DHTKD1: variants seen among roughly 807,000 people sequenced by gnomAD.
DHTKD1 encodes 2-oxoadipate dehydrogenase complex component E1.
In DHTKD1, 78 loss-of-function variants were observed where a neutral mutation model predicts 101.8. The observed-to-expected ratio is 0.77, with a 90% CI of 0.64 to 0.93. The LOEUF is 0.93. Among genes scored for constraint, DHTKD1 ranks in the 40% least tolerant of loss-of-function variants. The pLI, the probability that DHTKD1 is intolerant of heterozygous loss-of-function variation, is 0.00. For missense variants in DHTKD1, 1,223 were observed against 1,161.7 expected (o/e 1.05, Z -0.77); for synonymous variants, 462 against 450.3 (o/e 1.03, Z -0.33).
At chr10:12,073,544 A>C (rs1331360508) in intron 1 of DHTKD1, among the ~76,000 whole-genome samples, 1 of 152,102 alleles carries the variant, frequency 6.6e-6, no homozygotes, top group Non-Finnish European at 1.5e-5. Flanking sequence ...ACAGGGTTTC[A>C]CATGTTGGCC....
intron 1 of DHTKD1, among the ~76,000 whole-genome samples, chr10:12,071,972 A>G (rs904263976): frequency 1.3e-5 from 2 of 152,328 alleles, no homozygotes; most frequent in Non-Finnish European, 2.9e-5. Flanking sequence ...ATATTAAACT[A>G]TTACCGTGTT....
At chr10:12,080,642 C>T (rs1217376950) in intron 1 of DHTKD1, among the ~76,000 whole-genome samples, 4 of 149,228 alleles carry the variant, frequency 2.7e-5, no homozygotes, top group South Asian at 2.1e-4. Flanking sequence ...ACCCGGGAGG[C>T]GCAGGTTGCA....
At position 12,076,391 on chromosome 10, in the gene DHTKD1, G is replaced by A. The variant is rs571953482; in HGVS notation, c.155-5081G>A. ...CTTGGGAGGCTGAGGCAGGAGAATC[G>A]CTTGAACCCAGGAGGCAGAGGTTGC... is the stretch of plus-strand genomic sequence containing the variant. On this transcript the variant is annotated intron_variant, in intron 1 of 16. Coordinates refer to ENST00000263035, the MANE Select transcript of DHTKD1 (RefSeq NM_018706.7). Among the ~76,000 whole-genome samples the A allele has an allele frequency of 2.2e-4, 33 of 149,814 alleles. 1 individual carries two copies. Among genetic ancestry groups the A allele is most frequent in the African/African-American group, 6.9e-4 (28 of 40,804 alleles).
At chr10:12,086,660 G>T (rs2131356630) in intron 3 of DHTKD1, among the ~76,000 whole-genome samples, 1 of 152,040 alleles carries the variant, frequency 6.6e-6, no homozygotes, top group Middle Eastern at 3.4e-3. Context: ...AAAGTCTTTT[G>T]GTAACAGGAC....
Position 12,097,947 on chromosome 10 carries a change from T to C in DHTKD1, c.1622T>C (p.Val541Ala). The change falls in exon 8 of 17, where the codon GTG (valine) becomes GCG (alanine). Residue 541 changes from valine to alanine, a missense_variant. Transcript: ENST00000263035. Reference protein sequence around the residue: ...LRFVGMKSVEVPRELQMHSHL... With the variant: ...LRFVGMKSVEAPRELQMHSHL... ...TTTGTTGGCATGAAGTCTGTAGAGG[T>C]GCCAAGAGAGCTGCAGATGCACAGT... is the stretch of plus-strand genomic sequence containing the variant. 1 of 1,613,776 alleles carries C rather than the reference T, an allele frequency of 6.2e-7. No homozygotes were observed. Among genetic ancestry groups the C allele is most frequent in the Non-Finnish European group, 8.5e-7 (1 of 1,179,768 alleles).
chr10:12,078,319 G>T (rs79985170), intron 1 of DHTKD1, among the ~76,000 whole-genome samples: 5,714 of 152,050 alleles, frequency 0.038, 298 homozygotes, highest in African/African-American at 0.13. Flanking sequence ...CAGCTACTCC[G>T]GAGACTGAGA....
rs1196209417 is a variant in DHTKD1, at chr10:12,113,047, A to T, written c.2302A>T (p.Met768Leu). 6 of 1,610,158 alleles carry T rather than the reference A, an allele frequency of 3.7e-6. No individual in the cohort carries two copies. Among genetic ancestry groups the T allele is most frequent in the Non-Finnish European group, 5.1e-6 (6 of 1,178,646 alleles). Residue 768 changes from methionine to leucine, a missense_variant, in exon 13 of 17, where the codon ATG becomes TTG. Met to Leu is a conservative substitution (Grantham distance 15). Coordinates refer to ENST00000263035, the MANE Select transcript of DHTKD1 (RefSeq NM_018706.7). ...RKPLIVASPK[M>L]LLRLPAAVST... is the part of the protein sequence containing the mutation. The stretch of plus-strand genomic sequence containing the variant: ...ACCACTCATTGTTGCTTCCCCTAAG[A>T]TGTTACTCAGGCTCCCGGTAAGCAG...
chr10:12,069,354 A>G (rs1373791097), intron 1 of DHTKD1, among the ~76,000 whole-genome samples, 167 bp downstream of exon 1: 1 of 152,040 alleles, frequency 6.6e-6, no homozygotes, highest in Non-Finnish European at 1.5e-5. Context: ...GTGGGTGCTC[A>G]GTGTTGGGGT....
intron 10 of DHTKD1, 133 bp downstream of exon 10, chr10:12,101,314 T>A: frequency 1.1e-6 from 1 of 940,448 alleles, no homozygotes; most frequent in Non-Finnish European, 1.5e-6. Flanking sequence ...GCTAAATGGG[T>A]GGATGAGGTG....
rs140130253 is a variant in DHTKD1 at position 12,107,202 on chromosome 10, G to T, written c.2048-707G>T. 5.9e-3 allele frequency among the ~76,000 whole-genome samples: 901 copies of T among 152,050 alleles called. 11 individuals are homozygous for T. Among genetic ancestry groups the T allele is most frequent in the African/African-American group, 0.021 (860 of 41,472 alleles). On this transcript the variant is annotated intron_variant, in intron 11 of 16. Transcript: ENST00000263035. This position sits in a 1 kb window ranked among gnomAD's most constrained non-coding sequence, Gnocchi z 4.1. ...GGGGTTTCACCGTGTCAGCCGGGAT[G>T]GTCTCGTTCTCCTGACCTCATGATC... is the stretch of plus-strand genomic sequence containing the variant.
intron 13 of DHTKD1, among the ~76,000 whole-genome samples, chr10:12,113,778 G>A (rs1052051191): frequency 5.9e-5 from 9 of 151,984 alleles, no homozygotes; most frequent in Non-Finnish European, 1.2e-4. Context: ...AAAATTGGCC[G>A]GTGTGGTGGC....
chr10:12,069,500 TC>T (rs1832618598), intron 1 of DHTKD1, among the ~76,000 whole-genome samples: 1 of 149,422 alleles, frequency 6.7e-6, no homozygotes, highest in Non-Finnish European at 1.5e-5. Flanking sequence ...ACTCTTTTTT[TC>T]TTTCTCTTTT....
intron 9 of DHTKD1, among the ~76,000 whole-genome samples, 193 bp from the exon 10 acceptor site, chr10:12,100,849 T>C (rs1833157936): frequency 6.6e-6 from 1 of 152,190 alleles, no homozygotes. Flanking sequence ...GCAGGGCACA[T>C]GATACCTCTC....
chr10:12,072,653 T>G (rs1372970726), intron 1 of DHTKD1, among the ~76,000 whole-genome samples: 2 of 152,156 alleles, frequency 1.3e-5, no homozygotes, highest in African/African-American at 4.8e-5. Flanking sequence ...TAAACCTTGA[T>G]TTCCAAGGAA....
intron 12 of DHTKD1, among the ~76,000 whole-genome samples, chr10:12,111,414 C>T (rs1564397753): frequency 1.3e-5 from 2 of 152,198 alleles, no homozygotes; most frequent in Non-Finnish European, 2.9e-5. Context: ...GATCCTCCCA[C>T]CTTGGCCTCC....
rs185608409 is a variant in DHTKD1 at position 12,087,370 on chromosome 10, C to T, written c.523-165C>T. On this transcript the variant is annotated intron_variant, in intron 3 of 16. Coordinates refer to ENST00000263035, the MANE Select transcript of DHTKD1 (RefSeq NM_018706.7). The surrounding 1 kb of genome is among the most constrained non-coding windows in gnomAD (Gnocchi z 5.2). ...GTCCCGGATCCTAGGAAAACCATCC[C>T]GCTGTGTCCGTGTTATGTCTCTCTC... Among the ~76,000 whole-genome samples the T allele has an allele frequency of 2.6e-5, 4 of 152,246 alleles. No individual in the cohort carries two copies. The South Asian group carries it at 6.2e-4, about 24-fold the overall frequency.
intron 1 of DHTKD1, among the ~76,000 whole-genome samples, chr10:12,073,544 A>G (rs1331360508): frequency 6.6e-6 from 1 of 152,102 alleles, no homozygotes; most frequent in South Asian, 2.1e-4. Flanking sequence ...ACAGGGTTTC[A>G]CATGTTGGCC....
chr10:12,112,679 A>C (rs1015313941), intron 12 of DHTKD1, among the ~76,000 whole-genome samples: 1 of 152,144 alleles, frequency 6.6e-6, no homozygotes, highest in African/African-American at 2.4e-5. Context: ...ATTGTGTTAG[A>C]TGACACAGAA....
intron 1 of DHTKD1, among the ~76,000 whole-genome samples, chr10:12,073,788 A>C (rs1176240239): frequency 6.6e-6 from 1 of 152,192 alleles, no homozygotes; most frequent in Non-Finnish European, 1.5e-5. Flanking sequence ...GTGCAAAGTG[A>C]GGGAGAAGAA....
Sources: gnomAD v4.1 joint callset for allele counts (sites outside exome capture counted in the v4.1 genomes callset) on GRCh38, gnomAD v4.1.1 for gene constraint, Gnocchi (gnomAD v3.1) non-coding constraint, MANE v1.5 for transcripts, NCBI Gene and HGNC (gene_info 2026-07-23, HGNC 2026-07-21) for gene names.